CBFA2T3: variants seen among roughly 807,000 people sequenced by gnomAD.
The protein encoded by CBFA2T3 is transcriptional corepressor CBFA2T3.
A neutral mutation model predicts 58.6 loss-of-function variants in CBFA2T3; 31 were observed. The observed-to-expected ratio is 0.53, with a 90% CI of 0.40 to 0.71. CBFA2T3 has a LOEUF of 0.71. Among genes scored for constraint, CBFA2T3 ranks in the 30% least tolerant of loss-of-function variants. The probability of loss-of-function intolerance (pLI) is 0.00; values close to 1 mark genes in which losing one functional copy is unlikely to be tolerated. For missense variants in CBFA2T3, 1,076 were observed against 963.1 expected (o/e 1.12, Z -1.55); for synonymous variants, 531 against 421.9 (o/e 1.26, Z -3.17).
chr16:88,924,991 C>T (rs1403219212), intron 1 of CBFA2T3, among the ~76,000 whole-genome samples: 2 of 152,256 alleles, frequency 1.3e-5, no homozygotes, highest in Non-Finnish European at 1.5e-5. Flanking sequence ...TACAAGCCAC[C>T]GGTCACCGTG....
Position 88,876,958 on chromosome 16 carries a change from G to A in CBFA2T3, c.*18C>T. ...GGTTGGCACGGTGCTGTGTCCGGCA[G>A]GCCAGGGGCCAGTGGGGTCAGCGGG... On this transcript the variant is annotated 3_prime_UTR_variant, in exon 12 of 12. Coordinates refer to ENST00000268679, the MANE Select transcript of CBFA2T3 (RefSeq NM_005187.6). The A allele has an allele frequency of 7.1e-7, 1 of 1,416,992 alleles. No homozygotes were observed. Among genetic ancestry groups the A allele is most frequent in the Non-Finnish European group, 9.2e-7 (1 of 1,090,540 alleles). The allele number at this position is 1,416,992 out of a possible 1,614,324, so 87.8% of individuals were successfully genotyped here. A position where few individuals can be genotyped will look rare whatever the true frequency, so the allele number is the denominator to read the frequency against.
intron 10 of CBFA2T3, chr16:88,880,018 G>A (rs1276574113): frequency 1.9e-5 from 3 of 157,776 alleles, no homozygotes; most frequent in Admixed American, 6.1e-5. Flanking sequence ...TATCCTCACC[G>A]CACTTGCCAT....
At chr16:88,908,791 C>G (rs1225079437) in intron 1 of CBFA2T3, among the ~76,000 whole-genome samples, 1 of 152,276 alleles carries the variant, frequency 6.6e-6, no homozygotes, top group Admixed American at 6.5e-5. Flanking sequence ...GGACGCTGGG[C>G]AGGTAACGCA....
intron 3 of CBFA2T3, among the ~76,000 whole-genome samples, chr16:88,894,508 T>C (rs375119880): frequency 8.2e-6 from 1 of 121,554 alleles, no homozygotes; most frequent in African/African-American, 3.5e-5. Context: ...CACACACACA[T>C]GCACACACAC....
At position 88,881,448 on chromosome 16, in the gene CBFA2T3, G is replaced by C. The variant is rs1465013706; in HGVS notation, c.1245C>G (p.Arg415=). Residue 415 remains arginine (R), a synonymous_variant, in exon 9 of 12, where the codon CGC becomes CGG. Transcript: ENST00000268679. ...CIMDMVEKTR[R]SLTVLRRCQE... ...GGCACCTGCGCAGCACCGTGAGCGA[G>C]CGCCGCGTCTTCTCCACCATGTCCA... The C allele has an allele frequency of 3.1e-6, 5 of 1,609,846 alleles. No individual in the cohort carries two copies. Among genetic ancestry groups the C allele is most frequent in the Non-Finnish European group, 3.4e-6 (4 of 1,178,480 alleles).
At chr16:88,922,545 C>T (rs151179189) in intron 1 of CBFA2T3, among the ~76,000 whole-genome samples, 1,526 of 152,332 alleles carry the variant, frequency 0.01, 9 homozygotes, top group East Asian at 0.02. Context: ...TGCTGATGCC[C>T]GGGGCAGACA....
chr16:88,966,688 G>T (rs1286443031), intron 1 of CBFA2T3, among the ~76,000 whole-genome samples: 1 of 144,848 alleles, frequency 6.9e-6, no homozygotes, highest in African/African-American at 2.5e-5. Context: ...ACCACTGCCT[G>T]CCATCACCAA....
chr16:88,892,582 T>C (rs1969687385), intron 3 of CBFA2T3, 97 bp from the exon 4 acceptor site: 8 of 1,363,144 alleles, frequency 5.9e-6, no homozygotes, highest in African/African-American at 2.9e-5. Context: ...AAGGTGACAA[T>C]GTCAAAAGTG....
chr16:88,913,248 G>A (rs999037427), intron 1 of CBFA2T3, among the ~76,000 whole-genome samples: 5 of 152,362 alleles, frequency 3.3e-5, no homozygotes, highest in South Asian at 2.1e-4. Flanking sequence ...TGAGACACAC[G>A]CAGGACAGGG....
rs1972281649 is a variant in CBFA2T3, at chr16:88,958,275, T to A, written c.151+18382A>T. On this transcript the variant is annotated intron_variant, in intron 1 of 11. Transcript: ENST00000268679. This position sits in a 1 kb window ranked among gnomAD's most constrained non-coding sequence, Gnocchi z 4.0. ...GAGAGCCCAAAGCTCCCAGGGAAGC[T>A]TTGAGCTTCCTCAAAAAGCTATTTT... 6.6e-6 allele frequency among the ~76,000 whole-genome samples: 1 copy of A among 151,472 alleles called. No individual in the cohort carries two copies. Among genetic ancestry groups the A allele is most frequent in the Admixed American group, 6.6e-5 (1 of 15,252 alleles).
chr16:88,885,359 G>T lies in CBFA2T3; in HGVS notation c.894-90C>A. 4 of 878,928 alleles carry T rather than the reference G, an allele frequency of 4.6e-6. No homozygotes were observed. The highest frequency in any genetic ancestry group is 6.6e-6 in the Non-Finnish European group (4 of 604,584). The allele number at this position is 878,928 out of a possible 1,614,324, so 54.4% of individuals were successfully genotyped here. A position where few individuals can be genotyped will look rare whatever the true frequency, so the allele number is the denominator to read the frequency against. ...GTGGGGTGAGAGGCAGACAGGCAAG[G>T]GCAGAGAGAAAGAGGACACGTAAGG... On this transcript the variant is annotated intron_variant, in intron 6 of 11. Transcript: ENST00000268679. The surrounding 1 kb of genome is among the most constrained non-coding windows in gnomAD (Gnocchi z 5.3).
At chr16:88,895,534 G>A (rs7206813) in intron 3 of CBFA2T3, among the ~76,000 whole-genome samples, 33,279 of 152,068 alleles carry the variant, frequency 0.22, 4,041 homozygotes, top group East Asian at 0.45. Context: ...TCCCCGGCAG[G>A]CCCCACACAC....
At chr16:88,879,023 G>A (rs1399173099) in intron 11 of CBFA2T3, among the ~76,000 whole-genome samples, 1 of 152,240 alleles carries the variant, frequency 6.6e-6, no homozygotes, top group African/African-American at 2.4e-5. Flanking sequence ...CAGACAAGCT[G>A]CCAACCCTCT....
intron 1 of CBFA2T3, among the ~76,000 whole-genome samples, chr16:88,970,055 T>G (rs1283351187): frequency 1.3e-5 from 2 of 151,886 alleles, no homozygotes; most frequent in African/African-American, 4.8e-5. Flanking sequence ...AGGGGGCGCC[T>G]GGAAAAGCTG....
intron 11 of CBFA2T3, among the ~76,000 whole-genome samples, chr16:88,878,388 C>T (rs1028660139): frequency 6.6e-6 from 1 of 152,370 alleles, no homozygotes; most frequent in Admixed American, 6.5e-5. Context: ...CAGATGCACA[C>T]AGGGGCTTCA....
Position 88,926,344 on chromosome 16 carries a change from C to T in CBFA2T3, c.152-24688G>A, listed in dbSNP as rs143736094. On this transcript the variant is annotated intron_variant, in intron 1 of 11. Transcript: ENST00000268679. The stretch of plus-strand genomic sequence containing the variant: ...CTGGACAAACCTCCTCAATCCACCA[C>T]TGAAGGCCCCCCAAGCGCTCCGAGG... Among the ~76,000 whole-genome samples, 784 of 152,334 alleles carry T rather than the reference C, an allele frequency of 5.1e-3. 6 individuals are homozygous for T. The highest frequency in any genetic ancestry group is 0.018 in the African/African-American group (739 of 41,576).
At chr16:88,966,502 C>A (rs992559836) in intron 1 of CBFA2T3, among the ~76,000 whole-genome samples, 1 of 151,816 alleles carries the variant, frequency 6.6e-6, no homozygotes. Flanking sequence ...CATGTCCAGA[C>A]GAGGACCAGG....
intron 1 of CBFA2T3, among the ~76,000 whole-genome samples, chr16:88,923,916 T>C (rs369459983): frequency 6.6e-6 from 1 of 152,078 alleles, no homozygotes; most frequent in African/African-American, 2.4e-5. Flanking sequence ...GGCCAGGACT[T>C]TGGAGCATAG....
intron 9 of CBFA2T3, 194 bp downstream of exon 9, chr16:88,881,096 GC>G: frequency 1.4e-6 from 1 of 721,206 alleles, no homozygotes; most frequent in Non-Finnish European, 2.5e-6. Flanking sequence ...CGAGCCTCTG[GC>G]CCACCAGACG....
Sources: allele counts gnomAD v4.1 joint callset (sites outside exome capture counted in the v4.1 genomes callset), GRCh38; gene constraint gnomAD v4.1.1; non-coding constraint Gnocchi (gnomAD v3.1); transcripts MANE v1.5; gene names NCBI Gene and HGNC (gene_info 2026-07-23, HGNC 2026-07-21).